Variants in PRKG1 observed in about 807,000 individuals in gnomAD.
PRKG1 encodes the protein protein kinase cGMP-dependent 1, also known as cGMP-dependent protein kinase 1.
PRKG1 carries 35 observed loss-of-function variants against 88.1 expected under a neutral mutation model. That is an observed-to-expected ratio of 0.40 (90% CI 0.30 to 0.53). The LOEUF is 0.53. Ranked by LOEUF, PRKG1 falls within the 20% of genes least tolerant of loss-of-function variation. PRKG1 has a pLI of 0.59. For synonymous variants in PRKG1, 303 were observed against 292.5 expected (o/e 1.04, Z -0.37); for missense variants, 540 against 839.8 (o/e 0.64, Z 4.41).
At chr10:51,858,906 C>T (rs1331211576) in intron 4 of PRKG1, among the ~76,000 whole-genome samples, 3 of 152,066 alleles carry the variant, frequency 2.0e-5, no homozygotes, top group East Asian at 3.9e-4. Context: ...CAGTTTTTCT[C>T]CTGGACCCAC....
chr10:52,228,930 A>T (rs1392291019), intron 9 of PRKG1, among the ~76,000 whole-genome samples: 2 of 152,244 alleles, frequency 1.3e-5, no homozygotes, highest in Admixed American at 1.3e-4. Context: ...TCTCAGAAAC[A>T]TTAGCCTTTT....
chr10:51,655,213 C>T (rs1840133363), intron 3 of PRKG1, among the ~76,000 whole-genome samples: 1 of 152,080 alleles, frequency 6.6e-6, no homozygotes, highest in Non-Finnish European at 1.5e-5. Flanking sequence ...GTTTCCAAAT[C>T]CACTGGATTC....
In PRKG1 at chr10:51,299,457, C is replaced by A. The variant is rs184113561; in HGVS notation, c.478+146127C>A. ...CTGATCTCAGGTGATCCACCCACCT[C>A]GGCCTCCCAGAGTGCTGAGATTGCA... On this transcript the variant is annotated intron_variant, in intron 2 of 17. Transcript: ENST00000373980. 2.8e-4 allele frequency: 124 copies of A among 440,146 alleles called. 2 individuals carry two copies. Among genetic ancestry groups the A allele is most frequent in the Middle Eastern group, 1.0e-3 (3 of 2,944 alleles). The allele number at this position is 440,146 out of a possible 1,614,324, so 27.3% of individuals were successfully genotyped here. A position where few individuals can be genotyped will look rare whatever the true frequency, so the allele number is the denominator to read the frequency against.
chr10:51,095,134 G>A (rs1388761253), intron 1 of PRKG1, among the ~76,000 whole-genome samples: 3 of 152,098 alleles, frequency 2.0e-5, no homozygotes, highest in Non-Finnish European at 4.4e-5. Flanking sequence ...CGTCTGGAGG[G>A]TTTATGATCT....
chr10:51,855,853 G>A (rs1458465144), intron 4 of PRKG1, among the ~76,000 whole-genome samples: 1 of 152,196 alleles, frequency 6.6e-6, no homozygotes, highest in Non-Finnish European at 1.5e-5. Context: ...TCCTACTGCT[G>A]CTGTAACAAA....
At chr10:51,895,004 T>A (rs548244145) in intron 4 of PRKG1, among the ~76,000 whole-genome samples, 3 of 152,182 alleles carry the variant, frequency 2.0e-5, no homozygotes, top group Non-Finnish European at 4.4e-5. Context: ...CTGATGAGAA[T>A]AGAACTCTTG....
At chr10:51,396,962 A>T (rs1038297890) in intron 2 of PRKG1, among the ~76,000 whole-genome samples, 6 of 152,166 alleles carry the variant, frequency 3.9e-5, no homozygotes, top group African/African-American at 4.8e-5. Flanking sequence ...AGTCCATGAA[A>T]AGAAAATATC....
intron 2 of PRKG1, among the ~76,000 whole-genome samples, chr10:51,458,317 C>CA (rs1383135011): frequency 6.6e-6 from 1 of 152,078 alleles, no homozygotes; most frequent in Non-Finnish European, 1.5e-5. Flanking sequence ...CTGGATGTTA[C>CA]ATGAAATGAA....
At chr10:51,594,553 A>G (rs1006760874) in intron 3 of PRKG1, among the ~76,000 whole-genome samples, 2 of 152,214 alleles carry the variant, frequency 1.3e-5, no homozygotes, top group Non-Finnish European at 2.9e-5. Flanking sequence ...ATTTACATCA[A>G]TCTCTGCATG....
At chr10:51,689,194 C>A (rs1841072341) in intron 3 of PRKG1, among the ~76,000 whole-genome samples, 1 of 152,118 alleles carries the variant, frequency 6.6e-6, no homozygotes. Flanking sequence ...AGCATGAAAA[C>A]AGACTAATAC....
intron 1 of PRKG1, among the ~76,000 whole-genome samples, chr10:51,138,680 T>TG (rs1564614772): frequency 8.1e-6 from 1 of 123,906 alleles, no homozygotes; most frequent in African/African-American, 3.0e-5. Context: ...GTTTTGTTTT[T>TG]TTTTTTTTTT....
At chr10:51,261,674 T>C (rs568383886) in intron 2 of PRKG1, among the ~76,000 whole-genome samples, 1 of 152,274 alleles carries the variant, frequency 6.6e-6, no homozygotes, top group South Asian at 2.1e-4. Flanking sequence ...TTATACACTG[T>C]ACATTAGCCC....
chr10:51,432,372 A>T (rs1262678703), intron 2 of PRKG1, among the ~76,000 whole-genome samples: 2 of 152,156 alleles, frequency 1.3e-5, no homozygotes, highest in Non-Finnish European at 2.9e-5. Context: ...ATTTTTAGAC[A>T]AGGGCATAAA....
At chr10:51,428,952 T>C (rs1838679135) in intron 2 of PRKG1, among the ~76,000 whole-genome samples, 1 of 152,166 alleles carries the variant, frequency 6.6e-6, no homozygotes, top group African/African-American at 2.4e-5. Flanking sequence ...ATCCCTATAG[T>C]TCTTAAAGTC....
At chr10:51,992,851 G>C (rs1844347930) in intron 5 of PRKG1, among the ~76,000 whole-genome samples, 1 of 152,128 alleles carries the variant, frequency 6.6e-6, no homozygotes, top group African/African-American at 2.4e-5. Flanking sequence ...TTCATATCCA[G>C]TGTCAGTTTG....
intron 4 of PRKG1, among the ~76,000 whole-genome samples, chr10:51,857,595 G>A (rs1303878106): frequency 6.6e-6 from 1 of 152,134 alleles, no homozygotes; most frequent in African/African-American, 2.4e-5. Flanking sequence ...GGGAATGGGG[G>A]AGGAGAAGAA....
chr10:52,139,088 A>G (rs113095594), intron 8 of PRKG1, among the ~76,000 whole-genome samples: 11 of 152,148 alleles, frequency 7.2e-5, no homozygotes, highest in Non-Finnish European at 1.5e-4. Flanking sequence ...ATGTTTTAAT[A>G]GATTTGGCAT....
chr10:52,176,964 A>T (rs1274112918), intron 9 of PRKG1, among the ~76,000 whole-genome samples: 1 of 152,122 alleles, frequency 6.6e-6, no homozygotes. Context: ...GGCTGTAAAC[A>T]GGGACAGTAT....
chr10:52,051,837 T>C (rs1012812681), intron 5 of PRKG1, among the ~76,000 whole-genome samples: 1 of 152,072 alleles, frequency 6.6e-6, no homozygotes, highest in African/African-American at 2.4e-5. Flanking sequence ...CACATAGCTG[T>C]TTACTTCCAA....
Sources: allele counts gnomAD v4.1 joint callset (sites outside exome capture counted in the v4.1 genomes callset), GRCh38; gene constraint gnomAD v4.1.1; transcripts MANE v1.5; gene names NCBI Gene and HGNC (gene_info 2026-07-23, HGNC 2026-07-21).